Variants in ADCY8 observed in about 807,000 individuals in gnomAD.
ADCY8 encodes the protein adenylate cyclase 8.
In ADCY8, 51 loss-of-function variants were observed where a neutral mutation model predicts 119.7. That is an observed-to-expected ratio of 0.43 (90% CI 0.34 to 0.54). ADCY8 has a LOEUF of 0.54. ADCY8 is among the 20% of genes least tolerant of loss of function. The pLI, the probability that ADCY8 is intolerant of heterozygous loss-of-function variation, is 0.03. For missense variants in ADCY8, 1,383 were observed against 1,598.8 expected (o/e 0.87, Z 2.30); for synonymous variants, 665 against 651.0 (o/e 1.02, Z -0.33).
chr8:130,794,734 C>G (rs1815527335), intron 15 of ADCY8, among the ~76,000 whole-genome samples: 1 of 152,208 alleles, frequency 6.6e-6, no homozygotes, highest in South Asian at 2.1e-4. Flanking sequence ...GGAGGAGATG[C>G]TATTCAGTCC....
chr8:130,822,124 A>G (rs767329096), intron 12 of ADCY8, among the ~76,000 whole-genome samples: 1 of 152,160 alleles, frequency 6.6e-6, no homozygotes. Context: ...AGAAATAAAT[A>G]CACAGATAAT....
intron 6 of ADCY8, among the ~76,000 whole-genome samples, chr8:130,907,015 C>T (rs67831878): frequency 0.11 from 16,668 of 151,828 alleles, 943 homozygotes; most frequent in Non-Finnish European, 0.12. Flanking sequence ...TTACTTTCAG[C>T]GTCTCTCTAC....
intron 15 of ADCY8, among the ~76,000 whole-genome samples, chr8:130,799,565 T>C (rs1586424733): frequency 6.6e-6 from 1 of 152,210 alleles, no homozygotes; most frequent in South Asian, 2.1e-4. Flanking sequence ...CTGCTGACAA[T>C]GCATTACTGC....
chr8:130,918,034 A>G (rs1263973543), intron 5 of ADCY8, among the ~76,000 whole-genome samples: 1 of 152,170 alleles, frequency 6.6e-6, no homozygotes, highest in Non-Finnish European at 1.5e-5. Flanking sequence ...TTTTAAATAC[A>G]ACTGGAATGT....
At chr8:130,808,138 A>AT (rs1193031046) in intron 14 of ADCY8, among the ~76,000 whole-genome samples, 1 of 151,856 alleles carries the variant, frequency 6.6e-6, no homozygotes, top group African/African-American at 2.4e-5. Context: ...CAAATTCATC[A>AT]TTCTCTGACA....
At chr8:130,849,189 A>C (rs970290298) in intron 10 of ADCY8, among the ~76,000 whole-genome samples, 5 of 152,146 alleles carry the variant, frequency 3.3e-5, no homozygotes, top group Non-Finnish European at 7.3e-5. Flanking sequence ...TCAGCCATAA[A>C]GTGGGGATAA....
chr8:130,993,990 A>T (rs1006797986), intron 1 of ADCY8, among the ~76,000 whole-genome samples: 1 of 152,344 alleles, frequency 6.6e-6, no homozygotes, highest in Non-Finnish European at 1.5e-5. Flanking sequence ...ATGCTTCAGG[A>T]TCTTGATCCT....
intron 14 of ADCY8, among the ~76,000 whole-genome samples, chr8:130,806,598 A>G (rs1815966237): frequency 6.6e-6 from 1 of 152,182 alleles, no homozygotes; most frequent in Admixed American, 6.5e-5. Context: ...GAAGAGCCCA[A>G]AAGGAGTGAG....
intron 8 of ADCY8, among the ~76,000 whole-genome samples, chr8:130,869,974 T>C (rs1818287000): frequency 6.7e-6 from 1 of 148,624 alleles, no homozygotes; most frequent in East Asian, 2.0e-4. Context: ...TTCTTCCTTC[T>C]TCCTCCTCCT....
intron 1 of ADCY8, among the ~76,000 whole-genome samples, chr8:131,037,433 A>G (rs1397726206): frequency 1.3e-5 from 2 of 152,258 alleles, no homozygotes; most frequent in Non-Finnish European, 2.9e-5. Context: ...CTATACTTAG[A>G]ACTTTGAAAA....
chr8:130,935,032 A>T (rs1463087433), intron 5 of ADCY8, among the ~76,000 whole-genome samples: 1 of 152,242 alleles, frequency 6.6e-6, no homozygotes, highest in South Asian at 2.1e-4. Flanking sequence ...TGACATAAGA[A>T]GACTGTGACA....
chr8:130,785,511 G>A (rs1253543548), intron 15 of ADCY8, 36 bp from the exon 16 acceptor site: 1 of 1,518,532 alleles, frequency 6.6e-7, no homozygotes, highest in African/African-American at 1.4e-5. Flanking sequence ...TAGCCCTGGT[G>A]TTTATTCTTC....
chr8:130,836,498 C>G (rs1464698036), intron 11 of ADCY8, 49 bp from the exon 12 acceptor site: 1 of 1,579,260 alleles, frequency 6.3e-7, no homozygotes, highest in Non-Finnish European at 8.6e-7. Context: ...GCAGCAGTTC[C>G]CTCTCCTAGC....
intron 15 of ADCY8, among the ~76,000 whole-genome samples, chr8:130,791,529 A>G (rs2130074527): frequency 6.6e-6 from 1 of 152,378 alleles, no homozygotes. Context: ...TTGTATGCCC[A>G]GGGGCTGTGG....
intron 8 of ADCY8, among the ~76,000 whole-genome samples, chr8:130,874,671 A>T (rs1563706231): frequency 6.6e-6 from 1 of 152,176 alleles, no homozygotes; most frequent in Non-Finnish European, 1.5e-5. Context: ...GGGGTGACAG[A>T]AGACCCTAGG....
At chr8:130,910,068 C>A (rs1819932643) in intron 5 of ADCY8, among the ~76,000 whole-genome samples, 1 of 151,880 alleles carries the variant, frequency 6.6e-6, no homozygotes, top group Non-Finnish European at 1.5e-5. Context: ...ATCTCCTGAC[C>A]TCGTGATCCT....
At chr8:130,796,268 A>G (rs1449644488) in intron 15 of ADCY8, among the ~76,000 whole-genome samples, 1 of 152,164 alleles carries the variant, frequency 6.6e-6, no homozygotes, top group Non-Finnish European at 1.5e-5. Flanking sequence ...CATCCAGCAG[A>G]TTTATTTACT....
At chr8:130,895,144 A>G (rs1196413907) in intron 7 of ADCY8, among the ~76,000 whole-genome samples, 1 of 152,096 alleles carries the variant, frequency 6.6e-6, no homozygotes, top group East Asian at 1.9e-4. Context: ...TACTCTTCCT[A>G]CCTATCTTCT....
chr8:130,836,535 A>G (rs1816993786), intron 11 of ADCY8, 86 bp from the exon 12 acceptor site: 1 of 1,397,372 alleles, frequency 7.2e-7, no homozygotes, highest in Non-Finnish European at 9.7e-7. Flanking sequence ...TCTTACACAC[A>G]TTTGCAGAGA....
Sources: gnomAD v4.1 joint callset for allele counts (sites outside exome capture counted in the v4.1 genomes callset) on GRCh38, gnomAD v4.1.1 for gene constraint, MANE v1.5 for transcripts, NCBI Gene and HGNC (gene_info 2026-07-23, HGNC 2026-07-21) for gene names.